The following ITGAD variants were observed in gnomAD, a reference collection of about 807,000 sequenced individuals.
The protein encoded by ITGAD is integrin subunit alpha D, also known as integrin alpha-D.
Under a neutral mutation model 139.0 loss-of-function variants are expected in ITGAD, and 105 were observed. That is an observed-to-expected ratio of 0.76 (90% CI 0.65 to 0.89). The LOEUF (loss-of-function observed/expected upper bound fraction) is 0.89, where lower values mean the gene tolerates loss of function less well. ITGAD is among the 40% of genes least tolerant of loss of function. The probability of loss-of-function intolerance (pLI) is 0.00; values close to 1 mark genes in which losing one functional copy is unlikely to be tolerated. For synonymous variants in ITGAD, 569 were observed against 598.3 expected (o/e 0.95, Z 0.71); for missense variants, 1,384 against 1,487.3 (o/e 0.93, Z 1.14).
intron 22 of ITGAD, 35 bp downstream of exon 22, chr16:31,418,415 C>T (rs73538322): frequency 1.8e-5 from 29 of 1,607,238 alleles, no homozygotes; most frequent in Middle Eastern, 1.7e-4. Flanking sequence ...CACCCTCCAT[C>T]GCATGCCCCG....
intron 2 of ITGAD, among the ~76,000 whole-genome samples, chr16:31,396,941 C>G (rs546104108): frequency 1.3e-5 from 2 of 151,992 alleles, no homozygotes; most frequent in Non-Finnish European, 2.9e-5. Context: ...CACATGTCTT[C>G]AGGAAATTGT....
chr16:31,414,849 T>C lies in ITGAD; in HGVS notation c.2152-11T>C, dbSNP rs1435533283. ...AGGACAGCAGGTTCTTGAAAGCCTG[T>C]TCTCTCTCAGGATTGTGTGGAGGAT... On this transcript the variant is annotated splice_polypyrimidine_tract_variant and intron_variant, in intron 17 of 29. Coordinates refer to ENST00000389202, the MANE Select transcript of ITGAD (RefSeq NM_005353.3). The C allele has an allele frequency of 2.5e-6, 4 of 1,613,388 alleles. No individual in the cohort carries two copies. The highest frequency in any genetic ancestry group is 3.4e-6 in the Non-Finnish European group (4 of 1,179,620).
rs1466805934 is a variant in ITGAD, at chr16:31,412,842, T to C, written c.1712T>C (p.Ile571Thr). ...ACCCTTTTCTCTTCTGGCCAGCGGA[T>C]TGCCAGCTCCCAGCTCTCCCCCAGG... The part of the protein sequence containing the change: ...SGISPSHSQR[I>T]ASSQLSPRLQ... Residue 571 changes from isoleucine to threonine, a missense_variant, in exon 15 of 30, where the codon ATT becomes ACT. Ile to Thr is a moderately conservative substitution (Grantham distance 89, BLOSUM62 -1). Coordinates refer to ENST00000389202, the MANE Select transcript of ITGAD (RefSeq NM_005353.3). 2 of 1,613,954 alleles carry C rather than the reference T, an allele frequency of 1.2e-6. No homozygotes were observed. Among genetic ancestry groups the C allele is most frequent in the Non-Finnish European group, 1.7e-6 (2 of 1,179,990 alleles).
At chr16:31,409,225 G>A (rs1372170617) in intron 10 of ITGAD, among the ~76,000 whole-genome samples, 1 of 152,050 alleles carries the variant, frequency 6.6e-6, no homozygotes, top group Non-Finnish European at 1.5e-5. Context: ...AACCCAGGAG[G>A]CAGAGGTTGC....
At chr16:31,397,706 C>CCG in intron 4 of ITGAD, 40 bp downstream of exon 4, 1 of 299,966 alleles carries the variant, frequency 3.3e-6, no homozygotes, top group Non-Finnish European at 5.6e-6. Context: ...TGGGGTGGGG[C>CCG]GGGGGGTGTT....
At chr16:31,405,265 G>A (rs112053830) in intron 7 of ITGAD, among the ~76,000 whole-genome samples, 2,612 of 152,256 alleles carry the variant, frequency 0.017, 28 homozygotes, top group Non-Finnish European at 0.031. Flanking sequence ...GATTACAGGC[G>A]TGAGCCACCA....
rs374689836 is a variant in ITGAD at position 31,410,875 on chromosome 16, G to T, written c.1353G>T (p.Thr451=). 28 of 1,613,240 alleles carry T rather than the reference G, an allele frequency of 1.7e-5. No homozygotes were observed. In the African/African-American group the frequency reaches 3.2e-4, roughly 18 times the overall value. Residue 451 remains threonine, a synonymous_variant, in exon 12 of 30, where the codon ACG becomes ACT. Coordinates refer to ENST00000389202, the MANE Select transcript of ITGAD (RefSeq NM_005353.3). ...QWRKKAEVTG[T]QIGSYFGASL... is the part of the protein sequence containing the mutation. ...GGAAGAAGGCCGAAGTCACAGGGAC[G>T]CAGGTTGGGCGTGACAGGAGCCAGA... is the stretch of plus-strand genomic sequence containing the variant.
rs2081883860 is a variant in ITGAD, at chr16:31,416,264, G to A, written c.2335G>A (p.Gly779Ser). ...AGATGGCCTCTGTGAAGGGGACCTG[G>A]GTGTCACCCTCAGCTTCTCAGGGTG... ...GQDGLCEGDLGVTLSFSGLQT... is the reference protein window; with the variant it reads ...GQDGLCEGDLSVTLSFSGLQT... The change falls in exon 19 of 30, where the codon GGT becomes AGT. Residue 779 changes from glycine (G) to serine (S), a missense_variant. By Grantham distance (56) the Gly-to-Ser change is moderately conservative. Coordinates refer to ENST00000389202, the MANE Select transcript of ITGAD (RefSeq NM_005353.3). The A allele has an allele frequency of 1.2e-6, 2 of 1,604,664 alleles. No individual in the cohort carries two copies. Among genetic ancestry groups the A allele is most frequent in the Non-Finnish European group, 1.7e-6 (2 of 1,174,690 alleles).
intron 19 of ITGAD, 47 bp from the exon 20 acceptor site, chr16:31,416,458 C>T (rs776916664): frequency 2.5e-6 from 4 of 1,588,732 alleles, no homozygotes; most frequent in Non-Finnish European, 3.4e-6. Context: ...CCAGTTCCCA[C>T]CTATTTCCAG....
intron 29 of ITGAD, 81 bp downstream of exon 29, chr16:31,424,658 C>T (rs2082077951): frequency 1.1e-6 from 1 of 940,130 alleles, no homozygotes; most frequent in Non-Finnish European, 1.6e-6. Flanking sequence ...AGTGCAATGG[C>T]ATGATCTTGG....
In ITGAD at chr16:31,414,438, C is replaced by A; in HGVS notation, c.1997-13C>A. ...TTCTGCCTTTTCATTTTGCACTCTC[C>A]CCTGCACTTCAGGTGACATCCAAAG... On this transcript the variant is annotated splice_polypyrimidine_tract_variant and intron_variant, in intron 16 of 29. Transcript: ENST00000389202. The A allele has an allele frequency of 6.2e-7, 1 of 1,613,020 alleles. No homozygotes were observed. The highest frequency in any genetic ancestry group is 8.5e-7 in the Non-Finnish European group (1 of 1,179,182).
At chr16:31,410,704 G>T in intron 11 of ITGAD, 32 bp from the exon 12 acceptor site, 1 of 1,597,668 alleles carries the variant, frequency 6.3e-7, no homozygotes, top group Non-Finnish European at 8.5e-7. Context: ...AGGGGGAATG[G>T]GGGCCTTTGT....
chr16:31,396,658 A>G (rs543961085), intron 2 of ITGAD, among the ~76,000 whole-genome samples: 1 of 152,348 alleles, frequency 6.6e-6, no homozygotes, highest in South Asian at 2.1e-4. Flanking sequence ...GAACCCTCAC[A>G]TGGCCATTTA....
chr16:31,409,526 A>C (rs995856084), intron 10 of ITGAD, among the ~76,000 whole-genome samples: 4 of 152,198 alleles, frequency 2.6e-5, no homozygotes, highest in African/African-American at 9.6e-5. Flanking sequence ...CAAAAGTTCA[A>C]GAAAGCAATA....
At chr16:31,417,940 C>T in intron 20 of ITGAD, 135 bp from the exon 21 acceptor site, 1 of 597,782 alleles carries the variant, frequency 1.7e-6, no homozygotes, top group Non-Finnish European at 2.7e-6. Flanking sequence ...AGAGTGAAAT[C>T]CGTCTCAAAA....
chr16:31,419,410 T>C (rs75066116), intron 23 of ITGAD, among the ~76,000 whole-genome samples: 7,890 of 152,276 alleles, frequency 0.052, 697 homozygotes, highest in African/African-American at 0.18. Flanking sequence ...ACACGCTGCA[T>C]GGGTTTGTAG....
Position 31,423,883 on chromosome 16 carries a change from C to T in ITGAD, c.3084C>T (p.Asp1028=), listed in dbSNP as rs199603443. 194 of 1,614,234 alleles carry T rather than the reference C, an allele frequency of 1.2e-4. No individual in the cohort carries two copies. In the African/African-American group the frequency reaches 1.2e-3, roughly 10 times the overall value. The part of the protein sequence containing the change: ...SIADCLQFRC[D]VPSFSVQEEL... Reference sequence around the variant, plus strand: ...CTGACTGCCTGCAGTTCCGCTGTGACGTCCCCTCCTTCAGCGTCCAGGAGG... The same window carrying T: ...CTGACTGCCTGCAGTTCCGCTGTGATGTCCCCTCCTTCAGCGTCCAGGAGG... Residue 1028 remains aspartate (D), a synonymous_variant, in exon 27 of 30, where the codon GAC becomes GAT. Transcript: ENST00000389202.
At position 31,418,538 on chromosome 16, in the gene ITGAD, G is replaced by C. The variant is rs770786980; in HGVS notation, c.2754G>C (p.Lys918Asn). ...CCTTCCAGCTGGAGCTCCCGGTGAA[G>C]TATGCAGTCTACACCATGATCAGCA... ...KATFQLELPV[K>N]YAVYTMISRQ... Residue 918 changes from lysine (K) to asparagine (N), a missense_variant, in exon 23 of 30, where the codon AAG (lysine) becomes AAC (asparagine). Transcript: ENST00000389202. 6.2e-7 allele frequency: 1 copy of C among 1,614,124 alleles called. No individual in the cohort carries two copies. Among genetic ancestry groups the C allele is most frequent in the Admixed American group, 1.7e-5 (1 of 60,018 alleles).
chr16:31,408,192 G>C (rs909077811), intron 9 of ITGAD, among the ~76,000 whole-genome samples: 16 of 152,016 alleles, frequency 1.1e-4, no homozygotes, highest in Admixed American at 6.6e-5. Flanking sequence ...GGCTGATCTC[G>C]AACTCCTGAC....
Sources: allele counts gnomAD v4.1 joint callset (sites outside exome capture counted in the v4.1 genomes callset), GRCh38; gene constraint gnomAD v4.1.1; transcripts MANE v1.5; gene names NCBI Gene and HGNC (gene_info 2026-07-23, HGNC 2026-07-21).